The following FKTN variants were observed in gnomAD, a reference collection of about 807,000 sequenced individuals.
FKTN encodes fukutin, also known as ribitol-5-phosphate transferase FKTN.
In FKTN, 47 loss-of-function variants were observed where a neutral mutation model predicts 58.6. The observed-to-expected ratio is 0.80, with a 90% CI of 0.63 to 1.02. The LOEUF (loss-of-function observed/expected upper bound fraction) is 1.02, where lower values mean the gene tolerates loss of function less well. Among genes scored for constraint, FKTN ranks in the 50% least tolerant of loss-of-function variants. The pLI is 0.00. For synonymous variants in FKTN, 178 were observed against 191.9 expected (o/e 0.93, Z 0.60); for missense variants, 516 against 537.3 (o/e 0.96, Z 0.39).
chr9:105,567,512 G>A (rs1038713983), intron 1 of FKTN, among the ~76,000 whole-genome samples: 2 of 151,776 alleles, frequency 1.3e-5, no homozygotes, highest in African/African-American at 4.8e-5. Flanking sequence ...ATAACAGAGA[G>A]CCAAATCATG....
chr9:105,582,005 A>G lies in FKTN; in HGVS notation c.105+6868A>G, dbSNP rs553695668. Among the ~76,000 whole-genome samples the G allele has an allele frequency of 6.6e-5, 10 of 152,228 alleles. 1 individual carries two copies. The highest frequency in any genetic ancestry group is 1.9e-4 in the East Asian group (1 of 5,148). On this transcript the variant is annotated intron_variant, in intron 3 of 10. Transcript: ENST00000357998. ...CACCTTGCGCTTCCCAGGTGAGGCA[A>G]TGCCTCGCCCTGCTTCGGCTCGCGC...
chr9:105,599,089 T>A (rs987505436), intron 4 of FKTN, among the ~76,000 whole-genome samples: 3 of 152,170 alleles, frequency 2.0e-5, no homozygotes, highest in Admixed American at 1.3e-4. Flanking sequence ...ATCAAAGATA[T>A]ATGAAGAACT....
At chr9:105,608,845 G>T (rs551541204) in intron 7 of FKTN, among the ~76,000 whole-genome samples, 1 of 150,642 alleles carries the variant, frequency 6.6e-6, no homozygotes, top group African/African-American at 2.5e-5. Context: ...TGAATAAAAA[G>T]CTGAAAAACC....
chr9:105,629,097 G>A (rs1474927075), intron 10 of FKTN, among the ~76,000 whole-genome samples: 1 of 152,046 alleles, frequency 6.6e-6, no homozygotes, highest in Non-Finnish European at 1.5e-5. Context: ...TTAAGACTGG[G>A]CACAGTAACC....
intron 3 of FKTN, among the ~76,000 whole-genome samples, chr9:105,577,450 C>T (rs1218698951): frequency 6.9e-6 from 1 of 145,842 alleles, no homozygotes; most frequent in Admixed American, 6.7e-5. Context: ...TCTTGTTTTT[C>T]TCAGGTTTGT....
At position 105,604,904 on chromosome 9, in the gene FKTN, C is replaced by T. The variant is rs547211189; in HGVS notation, c.647+412C>T. Among the ~76,000 whole-genome samples the T allele has an allele frequency of 1.5e-4, 23 of 149,378 alleles. No individual in the cohort carries two copies. The South Asian group carries it at 3.4e-3, about 22-fold the overall frequency. ...CCTGGAGGTGGAGGTTGTAGTGAGC[C>T]GAGATTGTGATACCACACTCTAGGC... On this transcript the variant is annotated intron_variant, in intron 6 of 10. Transcript: ENST00000357998.
intron 1 of FKTN, among the ~76,000 whole-genome samples, chr9:105,563,213 T>A (rs964030894): frequency 6.6e-6 from 1 of 152,186 alleles, no homozygotes; most frequent in Non-Finnish European, 1.5e-5. Context: ...AGTCTACAGC[T>A]CCCAGCGTGA....
intron 1 of FKTN, among the ~76,000 whole-genome samples, chr9:105,567,404 G>T (rs1839861821): frequency 6.6e-6 from 1 of 152,146 alleles, no homozygotes; most frequent in Admixed American, 6.5e-5. Flanking sequence ...AAACCCCATT[G>T]TCTCAGCCCA....
intron 3 of FKTN, among the ~76,000 whole-genome samples, chr9:105,576,660 T>A (rs1445764363): frequency 9.0e-6 from 1 of 111,718 alleles, no homozygotes. Flanking sequence ...CAGCATGATT[T>A]ATAGTCATTT....
intron 5 of FKTN, 102 bp downstream of exon 5, chr9:105,601,450 C>T: frequency 1.3e-6 from 1 of 781,466 alleles, no homozygotes. Flanking sequence ...TTTCCTGAAA[C>T]ACTTTATAAA....
At chr9:105,610,365 T>G (rs1829695191) in intron 7 of FKTN, among the ~76,000 whole-genome samples, 1 of 152,026 alleles carries the variant, frequency 6.6e-6, no homozygotes, top group African/African-American at 2.4e-5. Context: ...TATTGAAACC[T>G]CTGAATTCAC....
chr9:105,607,919 T>G lies in FKTN; in HGVS notation c.748T>G (p.Cys250Gly). The G allele has an allele frequency of 6.2e-7, 1 of 1,611,808 alleles. No individual in the cohort carries two copies. The highest frequency in any genetic ancestry group is 8.5e-7 in the Non-Finnish European group (1 of 1,178,076). The part of the protein sequence containing the change: ...EEVPHSRFIE[C>G]RYKEARAFFQ... ...AGTACCACACTCTAGGTTTATTGAG[T>G]GTAGGTATAAAGAAGCTCGAGCATT... Residue 250 changes from cysteine to glycine, a missense_variant, in exon 7 of 11, where the codon TGT (cysteine) becomes GGT (glycine). By Grantham distance (159) the Cys-to-Gly change is radical. Transcript: ENST00000357998.
intron 10 of FKTN, among the ~76,000 whole-genome samples, chr9:105,628,661 C>A (rs1212589316): frequency 6.6e-6 from 1 of 152,142 alleles, no homozygotes; most frequent in African/African-American, 2.4e-5. Context: ...ATGGAAGCAA[C>A]CCAAATGCCC....
chr9:105,577,483 A>G (rs1488084154), intron 3 of FKTN, among the ~76,000 whole-genome samples: 1 of 146,186 alleles, frequency 6.8e-6, no homozygotes, highest in Non-Finnish European at 1.5e-5. Context: ...AGTTGTAGGT[A>G]TGCGGCATTA....
chr9:105,569,550 C>CT (rs1280245645), intron 1 of FKTN, among the ~76,000 whole-genome samples: 2 of 152,126 alleles, frequency 1.3e-5, no homozygotes, highest in African/African-American at 4.8e-5. Context: ...GCCCCAAAGA[C>CT]TGAGAGGATT....
chr9:105,615,182 C>T (rs1033193865), intron 7 of FKTN, 96 bp from the exon 8 acceptor site: 1 of 1,357,168 alleles, frequency 7.4e-7, no homozygotes, highest in Non-Finnish European at 1.0e-6. Flanking sequence ...CTGTGCCCAG[C>T]CTGGGGTTAA....
At chr9:105,602,774 G>A (rs531142004) in intron 5 of FKTN, among the ~76,000 whole-genome samples, 1 of 152,002 alleles carries the variant, frequency 6.6e-6, no homozygotes, top group African/African-American at 2.4e-5. Context: ...TGGCCAGGCT[G>A]GTCTTGAACT....
At chr9:105,598,259 T>C (rs1827195698) in intron 4 of FKTN, 1 of 374,384 alleles carries the variant, frequency 2.7e-6, no homozygotes, top group Non-Finnish European at 5.5e-6. Flanking sequence ...TGACTATATT[T>C]GCAAAATCAC....
intron 3 of FKTN, among the ~76,000 whole-genome samples, chr9:105,594,016 GT>G (rs1342975315): frequency 2.6e-5 from 4 of 152,108 alleles, no homozygotes; most frequent in Non-Finnish European, 5.9e-5. Flanking sequence ...TTTGTGTTTT[GT>G]TTTAATTATT....
Sources: gnomAD v4.1 joint callset for allele counts (sites outside exome capture counted in the v4.1 genomes callset) on GRCh38, gnomAD v4.1.1 for gene constraint, MANE v1.5 for transcripts, NCBI Gene and HGNC (gene_info 2026-07-23, HGNC 2026-07-21) for gene names.